The following KIF7 variants were observed in gnomAD, a reference collection of about 807,000 sequenced individuals.
The protein encoded by KIF7 is kinesin family member 7.
Under a neutral mutation model 135.7 loss-of-function variants are expected in KIF7, and 104 were observed. The ratio of observed to expected loss-of-function variants is 0.77; its 90% CI spans 0.65 to 0.90. KIF7 has a LOEUF of 0.90. Among genes scored for constraint, KIF7 ranks in the 40% least tolerant of loss-of-function variants. The probability of loss-of-function intolerance (pLI) is 0.00; values close to 1 mark genes in which losing one functional copy is unlikely to be tolerated. For missense variants in KIF7, 2,005 were observed against 1,839.1 expected (o/e 1.09, Z -1.65); for synonymous variants, 883 against 809.4 (o/e 1.09, Z -1.54).
intron 2 of KIF7, among the ~76,000 whole-genome samples, chr15:89,650,877 A>G (rs1013771260): frequency 6.6e-6 from 1 of 152,020 alleles, no homozygotes; most frequent in Non-Finnish European, 1.5e-5. Flanking sequence ...CGCCTGGCCT[A>G]AAAAGTTAGA....
At chr15:89,624,326 A>G (rs768809002), downstream of KIF7, 13 of 1,614,052 alleles carry the variant, frequency 8.1e-6, no homozygotes, top group African/African-American at 1.6e-4. Flanking sequence ...GGAGAACTGG[A>G]TCAGAAAGAG....
chr15:89,657,914 G>A (rs1256481879), upstream of KIF7, among the ~76,000 whole-genome samples: 1 of 152,222 alleles, frequency 6.6e-6, no homozygotes, highest in Non-Finnish European at 1.5e-5. Context: ...TGCCCAAGAA[G>A]ATGTGAAAAC....
chr15:89,631,458 T>A (rs1246333693), intron 15 of KIF7, 37 bp downstream of exon 15: 4 of 1,509,674 alleles, frequency 2.6e-6, no homozygotes, highest in Non-Finnish European at 3.6e-6. Context: ...AGGCATACAA[T>A]GGCACCAAGG....
In KIF7 at chr15:89,647,655, C is replaced by T. The variant is rs1348428914; in HGVS notation, c.1501G>A (p.Glu501Lys). Residue 501 changes from glutamate (E) to lysine (K), a missense_variant, in exon 6 of 19, where the codon GAG (glutamate) becomes AAG (lysine). Coordinates refer to ENST00000394412, the MANE Select transcript of KIF7 (RefSeq NM_198525.3). ...GCAGCCAGAAAGTCTCGGTTCTCCT[C>T]CTCCAGCCGCGCCACCTGGTTCTGC... ...TLQNQVARLE[E>K]ENRDFLAALE... 1.9e-6 allele frequency: 3 copies of T among 1,610,818 alleles called. No individual in the cohort carries two copies. The highest frequency in any genetic ancestry group is 2.5e-6 in the Non-Finnish European group (3 of 1,179,724).
Position 89,648,413 on chromosome 15 carries a change from C to A in KIF7, c.1285G>T (p.Glu429Ter). 1 of 1,130,188 alleles carries A rather than the reference C, an allele frequency of 8.8e-7. No individual in the cohort carries two copies. The highest frequency in any genetic ancestry group is 3.9e-5 in the South Asian group (1 of 25,910). The allele number at this position is 1,130,188 out of a possible 1,614,324, so 70.0% of individuals were successfully genotyped here. Reference protein sequence around the residue: ...AYSLLRELQAEPGLPGAAARK... With the variant: ...AYSLLRELQA ...GCGGCGGCGCCGGGCAGCCCGGGCT[C>A]GGCCTGCAGCTCGCGCAAGAGGCTG... The change falls in exon 5 of 19, where the codon GAG becomes TAG. Residue 429 changes from glutamate to a stop codon, truncating the protein, a stop_gained. Transcript: ENST00000394412. LOFTEE classifies it high-confidence loss of function.
rs2141995233 is a variant in KIF7, at chr15:89,630,045, TG to T, written c.3318+241del. The T allele has an allele frequency of 1.0e-5, 6 of 580,816 alleles. No individual in the cohort carries two copies. In the African/African-American group the frequency reaches 1.1e-4, roughly 11 times the overall value. The allele number at this position is 580,816 out of a possible 1,614,324, so 36.0% of individuals were successfully genotyped here. A position where few individuals can be genotyped will look rare whatever the true frequency, so the allele number is the denominator to read the frequency against. ...AACTTCCCCTACTGAGAGCTACTAT[TG>T]TGGCCATGGACCACCCTGAGGTTAG... On this transcript the variant is annotated intron_variant, in intron 16 of 18. Transcript: ENST00000394412.
At chr15:89,650,080 G>T in intron 2 of KIF7, 139 bp from the exon 3 acceptor site, 1 of 865,110 alleles carries the variant, frequency 1.2e-6, no homozygotes, top group Non-Finnish European at 1.8e-6. Flanking sequence ...GGCCAGGATG[G>T]GACAGGTGGC....
Position 89,646,711 on chromosome 15 carries a change from T to C in KIF7, c.1788+119A>G, listed in dbSNP as rs975696598. 16 of 938,246 alleles carry C rather than the reference T, an allele frequency of 1.7e-5. No individual in the cohort carries two copies. In the African/African-American group the frequency reaches 2.4e-4, roughly 14 times the overall value. The allele number at this position is 938,246 out of a possible 1,614,324, so 58.1% of individuals were successfully genotyped here. The stretch of plus-strand genomic sequence containing the variant: ...ACAGCTGAAAGCAGCCTCTCGCATC[T>C]CACAGCCAGTCCCATGAAAGCATGA... On this transcript the variant is annotated intron_variant, in intron 7 of 18. Coordinates refer to ENST00000394412, the MANE Select transcript of KIF7 (RefSeq NM_198525.3).
downstream of KIF7, chr15:89,625,582 A>G (rs757262275): frequency 2.0e-5 from 33 of 1,612,920 alleles, no homozygotes; most frequent in Non-Finnish European, 2.7e-5. Flanking sequence ...CAGCATGCCT[A>G]AGGCCGAGGA....
chr15:89,643,688 C>A (rs1963961541), intron 10 of KIF7, among the ~76,000 whole-genome samples: 1 of 152,120 alleles, frequency 6.6e-6, no homozygotes, highest in Admixed American at 6.6e-5. Flanking sequence ...AGATCGAGAC[C>A]ATCCTGGCCA....
chr15:89,639,115 C>G (rs1963868727), intron 11 of KIF7, among the ~76,000 whole-genome samples: 1 of 152,002 alleles, frequency 6.6e-6, no homozygotes, highest in South Asian at 2.1e-4. Context: ...TGGATCCCTT[C>G]CTTACACCTT....
At chr15:89,649,985 G>A (rs1307854387) in intron 2 of KIF7, 44 bp from the exon 3 acceptor site, 11 of 1,532,298 alleles carry the variant, frequency 7.2e-6, no homozygotes, top group South Asian at 2.4e-5. Flanking sequence ...AGCTGGACAC[G>A]GCCCATGGCC....
chr15:89,633,915 C>T (rs1215389775), intron 11 of KIF7, 32 bp from the exon 12 acceptor site: 2 of 1,611,766 alleles, frequency 1.2e-6, no homozygotes, highest in Non-Finnish European at 1.7e-6. Flanking sequence ...CTGGGCCATG[C>T]ACGGGGCTAC....
downstream of KIF7, chr15:89,626,990 AGAC>A (rs1282321231): frequency 6.2e-7 from 1 of 1,614,180 alleles, no homozygotes; most frequent in Non-Finnish European, 8.5e-7. Flanking sequence ...CCACTGTAGA[AGAC>A]TCTCCTTTCA....
chr15:89,623,228 G>A (rs1358627359), downstream of KIF7, among the ~76,000 whole-genome samples: 2 of 152,248 alleles, frequency 1.3e-5, no homozygotes, highest in South Asian at 2.1e-4. Context: ...TGTTGAATGA[G>A]GGTGAGCAGC....
chr15:89,647,757 C>A, intron 5 of KIF7, 45 bp from the exon 6 acceptor site: 1 of 1,381,640 alleles, frequency 7.2e-7, no homozygotes, highest in Non-Finnish European at 9.9e-7. Context: ...GTTGACAGGG[C>A]GAGCTGGACA....
chr15:89,623,133 T>G (rs187181911), downstream of KIF7, among the ~76,000 whole-genome samples: 177 of 152,372 alleles, frequency 1.2e-3, no homozygotes, highest in African/African-American at 4.1e-3. Flanking sequence ...TGAGACATTA[T>G]CTTTGCTGCT....
chr15:89,637,774 T>G (rs1296150894), intron 11 of KIF7, among the ~76,000 whole-genome samples: 1 of 144,810 alleles, frequency 6.9e-6, no homozygotes, highest in East Asian at 2.0e-4. Flanking sequence ...CTTCTGAAAC[T>G]ATTCCAATCA....
At chr15:89,637,112 AGAT>A (rs1250307892) in intron 11 of KIF7, among the ~76,000 whole-genome samples, 1 of 105,150 alleles carries the variant, frequency 9.5e-6, no homozygotes, top group African/African-American at 3.8e-5. Context: ...GCAGAAATAA[AGAT>A]GTTCTTTGAA....
Sources: gnomAD v4.1 joint callset for allele counts (sites outside exome capture counted in the v4.1 genomes callset) on GRCh38, gnomAD v4.1.1 for gene constraint, MANE v1.5 for transcripts, NCBI Gene and HGNC (gene_info 2026-07-23, HGNC 2026-07-21) for gene names.